Variants in ADGRL2 observed in about 807,000 individuals in gnomAD.
ADGRL2 encodes the protein adhesion G protein-coupled receptor L2.
A neutral mutation model predicts 157.4 loss-of-function variants in ADGRL2; 44 were observed. The ratio of observed to expected loss-of-function variants is 0.28; its 90% CI spans 0.22 to 0.36. ADGRL2 has a LOEUF of 0.36. ADGRL2 is among the 10% of genes least tolerant of loss of function. The pLI is 1.00. For synonymous variants in ADGRL2, 585 were observed against 624.7 expected, an observed-to-expected ratio of 0.94 and a Z score of 0.95; for missense variants, 1,510 against 1,768.9, an observed-to-expected ratio of 0.85 and a Z score of 2.63.
At chr1:81,339,774 C>T (rs1404157226) in intron 1 of ADGRL2, among the ~76,000 whole-genome samples, 1 of 152,270 alleles carries the variant, frequency 6.6e-6, no homozygotes, top group South Asian at 2.1e-4. Context: ...CTTCTCCATA[C>T]CTTTGTACAT....
chr1:81,966,563 G>A lies in ADGRL2; in HGVS notation c.2303G>A (p.Arg768Gln), dbSNP rs553433819. Reference protein sequence around the residue: ...ISVSINKESSRVYLTDPVLFT... With the variant: ...ISVSINKESSQVYLTDPVLFT... ...GTTTCAATCAATAAAGAGTCCAGCCGAGTATACCTGACTGATCCTGTGCTT... is the reference window on the plus strand; with the variant it reads ...GTTTCAATCAATAAAGAGTCCAGCCAAGTATACCTGACTGATCCTGTGCTT... Residue 768 changes from arginine (R) to glutamine (Q), a missense_variant, in exon 13 of 24, where the codon CGA (arginine) becomes CAA (glutamine). Arg to Gln is a conservative substitution (Grantham distance 43). This residue lies in a region of ADGRL2 where 497 missense variants were observed against 627.2 expected (regional missense o/e 0.79). Coordinates refer to ENST00000686636, the MANE Select transcript of ADGRL2 (RefSeq NM_001366006.2). 34 of 1,614,072 alleles carry A rather than the reference G, an allele frequency of 2.1e-5. No homozygotes were observed. In the African/African-American group the frequency reaches 3.3e-4, roughly 16 times the overall value.
intron 3 of ADGRL2, among the ~76,000 whole-genome samples, chr1:81,622,311 G>C (rs562549774): frequency 6.6e-6 from 1 of 152,106 alleles, no homozygotes; most frequent in African/African-American, 2.4e-5. Context: ...GGCCGGGCAC[G>C]GTAGCTCATG....
chr1:81,654,315 G>A (rs1057358942), intron 3 of ADGRL2, among the ~76,000 whole-genome samples: 9 of 152,178 alleles, frequency 5.9e-5, no homozygotes, highest in Admixed American at 2.0e-4. Flanking sequence ...ACCCAGCCTC[G>A]AAACCTTGAG....
intron 2 of ADGRL2, among the ~76,000 whole-genome samples, chr1:81,559,010 T>C (rs1216835860): frequency 1.3e-5 from 2 of 152,150 alleles, no homozygotes; most frequent in Non-Finnish European, 2.9e-5. Context: ...TAGTTTGGTG[T>C]TCTGGTTGTG....
chr1:81,488,036 T>A (rs1469001775), intron 2 of ADGRL2, among the ~76,000 whole-genome samples: 1 of 152,190 alleles, frequency 6.6e-6, no homozygotes, highest in African/African-American at 2.4e-5. Context: ...TGGCTATTGT[T>A]ACTGCATGCT....
At chr1:81,987,412 AT>A in intron 22 of ADGRL2, 1 of 940,408 alleles carries the variant, frequency 1.1e-6, no homozygotes, top group Non-Finnish European at 1.8e-6. Flanking sequence ...TCTGGAATGA[AT>A]TAGCTAATGA....
chr1:81,576,288 C>T (rs2148517380), intron 2 of ADGRL2, among the ~76,000 whole-genome samples: 1 of 152,056 alleles, frequency 6.6e-6, no homozygotes, highest in South Asian at 2.1e-4. Context: ...TTGAGTCTTC[C>T]ACTTCTACCA....
chr1:81,989,725 T>C (rs1164781505), intron 23 of ADGRL2: 2 of 1,609,162 alleles, frequency 1.2e-6, no homozygotes, highest in Non-Finnish European at 1.7e-6. Flanking sequence ...TCATTCCACC[T>C]GCTGTCTATC....
At chr1:81,334,887 GA>G (rs1360142236) in intron 1 of ADGRL2, among the ~76,000 whole-genome samples, 2 of 152,148 alleles carry the variant, frequency 1.3e-5, no homozygotes, top group African/African-American at 4.8e-5. Context: ...GAAGAGCAGG[GA>G]AAAGTGTTTT....
chr1:81,733,260 A>G (rs2039829), intron 1 of ADGRL2, among the ~76,000 whole-genome samples: 4,556 of 152,316 alleles, frequency 0.03, 146 homozygotes, highest in Middle Eastern at 0.085. Flanking sequence ...AAGCAGACCA[A>G]TCATTAATTG....
intron 2 of ADGRL2, among the ~76,000 whole-genome samples, chr1:81,476,262 T>C (rs548889525): frequency 6.6e-6 from 1 of 152,162 alleles, no homozygotes; most frequent in African/African-American, 2.4e-5. Context: ...GATCACATCC[T>C]TTAGGTCTCC....
At chr1:81,426,107 G>A (rs1345872707) in intron 1 of ADGRL2, among the ~76,000 whole-genome samples, 2 of 152,160 alleles carry the variant, frequency 1.3e-5, no homozygotes, top group Non-Finnish European at 2.9e-5. Flanking sequence ...AAGGAAAACA[G>A]CGTATTTTTA....
At chr1:81,860,031 T>C (rs1284225886) in intron 2 of ADGRL2, among the ~76,000 whole-genome samples, 1 of 151,938 alleles carries the variant, frequency 6.6e-6, no homozygotes, top group African/African-American at 2.4e-5. Context: ...CAGACCAGCT[T>C]GGCCAACATA....
At chr1:81,870,828 T>C (rs910733028) in intron 2 of ADGRL2, among the ~76,000 whole-genome samples, 11 of 152,108 alleles carry the variant, frequency 7.2e-5, no homozygotes, top group Non-Finnish European at 1.6e-4. Context: ...TTAGTGTTTA[T>C]AGTGGTTGGT....
chr1:81,926,410 G>T, intron 3 of ADGRL2, among the ~76,000 whole-genome samples: 1 of 152,050 alleles, frequency 6.6e-6, no homozygotes, highest in Admixed American at 6.6e-5. Flanking sequence ...GCTCTGCAAG[G>T]TCATGTCTTA....
chr1:81,432,609 G>A (rs2077341183), intron 1 of ADGRL2, among the ~76,000 whole-genome samples: 1 of 152,130 alleles, frequency 6.6e-6, no homozygotes, highest in Admixed American at 6.5e-5. Context: ...GTTTTTGTTT[G>A]TGATTGGGTC....
chr1:81,397,313 C>CTTTTTTTTTTTT (rs59449077), intron 1 of ADGRL2, among the ~76,000 whole-genome samples: 3 of 53,642 alleles, frequency 5.6e-5, no homozygotes, highest in South Asian at 9.7e-4. Context: ...ATAATGTCTC[C>CTTTTTTTTTTTT]TTTTTTTTTT....
chr1:81,975,533 T>TA (rs1659970766), intron 17 of ADGRL2, among the ~76,000 whole-genome samples: 1 of 151,792 alleles, frequency 6.6e-6, no homozygotes, highest in Non-Finnish European at 1.5e-5. Context: ...ATAGGGGAAA[T>TA]ACCATGTTGG....
At chr1:81,385,060 T>C (rs2076411698) in intron 1 of ADGRL2, among the ~76,000 whole-genome samples, 2 of 152,166 alleles carry the variant, frequency 1.3e-5, no homozygotes, top group Non-Finnish European at 2.9e-5. Context: ...TGTACTCAGG[T>C]AGTCTTTGAT....
Sources: allele counts gnomAD v4.1 joint callset (sites outside exome capture counted in the v4.1 genomes callset), GRCh38; gene constraint gnomAD v4.1.1; regional missense constraint gnomAD v4.1.1; transcripts MANE v1.5; gene names NCBI Gene and HGNC (gene_info 2026-07-23, HGNC 2026-07-21).